Variants in APP observed in about 807,000 individuals in gnomAD.
APP encodes the protein amyloid-beta precursor protein.
A neutral mutation model predicts 101.4 loss-of-function variants in APP; 31 were observed. That is an observed-to-expected ratio of 0.31 (90% CI 0.23 to 0.41). The LOEUF is 0.41. Among genes scored for constraint, APP ranks in the 10% least tolerant of loss-of-function variants. The pLI is 1.00. For missense variants in APP, 839 were observed against 1,003.7 expected, an observed-to-expected ratio of 0.84 and a Z score of 2.22; for synonymous variants, 366 against 364.4, an observed-to-expected ratio of 1.00 and a Z score of -0.05.
At chr21:25,997,143 T>C (rs2146665213) in intron 8 of APP, 4 of 587,760 alleles carry the variant, frequency 6.8e-6, no homozygotes, top group South Asian at 6.2e-5. Context: ...TGGTCAGAAA[T>C]AGAAGAAACT....
intron 1 of APP, among the ~76,000 whole-genome samples, chr21:26,131,347 A>T (rs1270207020): frequency 2.6e-5 from 4 of 152,226 alleles, no homozygotes; most frequent in Admixed American, 1.3e-4. Context: ...CCAAAGGAGC[A>T]CCGAGGTTTT....
chr21:26,029,015 T>C (rs1476996696), intron 5 of APP, among the ~76,000 whole-genome samples: 1 of 151,148 alleles, frequency 6.6e-6, no homozygotes, highest in Non-Finnish European at 1.5e-5. Context: ...ACCAAGAGAG[T>C]GCATGGATGG....
intron 5 of APP, among the ~76,000 whole-genome samples, chr21:26,039,509 A>T (rs996605194): frequency 3.9e-5 from 6 of 152,260 alleles, no homozygotes; most frequent in Non-Finnish European, 8.8e-5. Context: ...TTATTTTCAA[A>T]TAATTTCTAA....
In APP at chr21:25,981,632, G is replaced by A. The variant is rs543605737; in HGVS notation, c.1224+712C>T. On this transcript the variant is annotated intron_variant, in intron 9 of 17. Transcript: ENST00000346798. ...TGTAGTTGATAGTATATATGGATTA[G>A]CCATGTTTTAGACATAAGTTATTTT... is the stretch of plus-strand genomic sequence containing the variant. 3.3e-5 allele frequency among the ~76,000 whole-genome samples: 5 copies of A among 151,372 alleles called. No individual in the cohort carries two copies. In the East Asian group the frequency reaches 7.8e-4, roughly 23 times the overall value.
intron 5 of APP, among the ~76,000 whole-genome samples, chr21:26,042,882 C>T (rs2045437808): frequency 6.6e-6 from 1 of 151,968 alleles, no homozygotes; most frequent in Admixed American, 6.6e-5. Flanking sequence ...CAATACTGCA[C>T]TCCAGCATGT....
At chr21:25,889,833 C>T (rs539784544) in intron 17 of APP, among the ~76,000 whole-genome samples, 2 of 151,840 alleles carry the variant, frequency 1.3e-5, no homozygotes, top group East Asian at 3.9e-4. Flanking sequence ...GGTGAAAGAG[C>T]AAGACTCCAT....
At chr21:26,084,536 C>T (rs2061666455) in intron 3 of APP, among the ~76,000 whole-genome samples, 1 of 48 alleles carries the variant, frequency 0.021, no homozygotes, top group Non-Finnish European at 0.042. Flanking sequence ...CCGCGCCCGG[C>T]CGAAGACACC....
intron 2 of APP, among the ~76,000 whole-genome samples, chr21:26,093,730 A>C (rs1339644189): frequency 6.6e-6 from 1 of 152,200 alleles, no homozygotes; most frequent in Non-Finnish European, 1.5e-5. Context: ...CAGGAAATCT[A>C]GAACATGCGT....
intron 1 of APP, among the ~76,000 whole-genome samples, chr21:26,120,280 T>C (rs1209715387): frequency 6.6e-6 from 1 of 152,122 alleles, no homozygotes; most frequent in Non-Finnish European, 1.5e-5. Flanking sequence ...TCAAGTTGCC[T>C]TTTTTTAGGC....
At chr21:25,971,038 T>A (rs572543469) in intron 11 of APP, among the ~76,000 whole-genome samples, 1 of 152,070 alleles carries the variant, frequency 6.6e-6, no homozygotes, top group South Asian at 2.1e-4. Flanking sequence ...AATATATTCA[T>A]ATACAAACAG....
intron 6 of APP, among the ~76,000 whole-genome samples, chr21:26,005,886 A>G (rs1474759894): frequency 1.3e-5 from 2 of 152,186 alleles, no homozygotes; most frequent in Non-Finnish European, 2.9e-5. Flanking sequence ...CTAAACCCAA[A>G]TAAGATTCCT....
intron 1 of APP, among the ~76,000 whole-genome samples, chr21:26,159,793 T>C (rs776033050): frequency 1.2e-4 from 18 of 152,180 alleles, no homozygotes; most frequent in Admixed American, 3.9e-4. Flanking sequence ...AGAAATACTC[T>C]CAATAAACTG....
intron 6 of APP, among the ~76,000 whole-genome samples, chr21:26,009,316 A>G (rs2043676208): frequency 6.6e-6 from 1 of 152,206 alleles, no homozygotes; most frequent in South Asian, 2.1e-4. Context: ...GATTGTCTAT[A>G]CACATTTATT....
rs140708712 is a variant in APP, at chr21:26,041,870, C to T, written c.662+9130G>A. ...AAATAAGGACCTCAAAACTGGCAGC[C>T]AGTTCCCTCAAAAGAAAATGCAAGT... On this transcript the variant is annotated intron_variant, in intron 5 of 17. Transcript: ENST00000346798. Among the ~76,000 whole-genome samples the T allele has an allele frequency of 1.2e-4, 18 of 152,076 alleles. No individual in the cohort carries two copies. In the East Asian group the frequency reaches 3.1e-3, roughly 26 times the overall value.
At chr21:25,971,099 G>C (rs128646) in intron 11 of APP, among the ~76,000 whole-genome samples, 11 of 151,660 alleles carry the variant, frequency 7.3e-5, no homozygotes. Context: ...CCACACTGGA[G>C]TGCAGTGGCA....
At chr21:25,923,033 T>G (rs2146359193) in intron 13 of APP, among the ~76,000 whole-genome samples, 1 of 145,708 alleles carries the variant, frequency 6.9e-6, no homozygotes, top group South Asian at 2.2e-4. Flanking sequence ...AAAACAGAGA[T>G]ATAGATCAAT....
chr21:25,898,744 A>C (rs145742166), intron 15 of APP, among the ~76,000 whole-genome samples: 359 of 152,322 alleles, frequency 2.4e-3, no homozygotes, highest in Non-Finnish European at 4.2e-3. Flanking sequence ...TAAAACCTTG[A>C]ACAGGTATCA....
At chr21:26,084,184 T>G (rs909059215) in intron 3 of APP, among the ~76,000 whole-genome samples, 9 of 149,228 alleles carry the variant, frequency 6.0e-5, no homozygotes, top group Admixed American at 1.3e-4. Context: ...GCCAAGGAAG[T>G]GCTGCAGTGA....
At chr21:26,152,256 G>C (rs555076584) in intron 1 of APP, among the ~76,000 whole-genome samples, 1 of 127,470 alleles carries the variant, frequency 7.8e-6, no homozygotes, top group Non-Finnish European at 1.6e-5. Context: ...CTGCACTCCA[G>C]TCTGGGCGAC....
Sources: gnomAD v4.1 joint callset for allele counts (sites outside exome capture counted in the v4.1 genomes callset) on GRCh38, gnomAD v4.1.1 for gene constraint, MANE v1.5 for transcripts, NCBI Gene and HGNC (gene_info 2026-07-23, HGNC 2026-07-21) for gene names.